The following TXLNB variants were observed in gnomAD, a reference collection of about 807,000 sequenced individuals.
TXLNB encodes the protein taxilin beta.
A neutral mutation model predicts 57.4 loss-of-function variants in TXLNB; 37 were observed. The ratio of observed to expected loss-of-function variants is 0.64; its 90% CI spans 0.50 to 0.85. TXLNB has a LOEUF of 0.85. Among genes scored for constraint, TXLNB ranks in the 40% least tolerant of loss-of-function variants. TXLNB has a pLI of 0.00. For synonymous variants in TXLNB, 302 were observed against 309.6 expected, an observed-to-expected ratio of 0.98 and a Z score of 0.26; for missense variants, 848 against 825.6, an observed-to-expected ratio of 1.03 and a Z score of -0.33.
chr6:139,225,877 A>G, the TXLNB span, among the ~76,000 whole-genome samples: 1 of 152,222 alleles, frequency 6.6e-6, no homozygotes, highest in South Asian at 2.1e-4. Flanking sequence ...GAATACTTTG[A>G]AGAACACCAA....
At chr6:139,206,882 T>C in the TXLNB span, among the ~76,000 whole-genome samples, 1 of 151,938 alleles carries the variant, frequency 6.6e-6, no homozygotes, top group Admixed American at 6.6e-5. Flanking sequence ...CCAACAACTG[T>C]AAAAACAGAC....
At chr6:139,301,700 G>A in the TXLNB span, among the ~76,000 whole-genome samples, 3 of 152,110 alleles carry the variant, frequency 2.0e-5, no homozygotes, top group African/African-American at 7.2e-5. Context: ...CCCCCACCAA[G>A]TCTATGCACA....
chr6:139,199,603 T>G, the TXLNB span, among the ~76,000 whole-genome samples: 1 of 151,758 alleles, frequency 6.6e-6, no homozygotes, highest in Admixed American at 6.6e-5. Flanking sequence ...GGCAGAGGAG[T>G]TGGGGAGATG....
chr6:139,194,832 G>T, the TXLNB span, among the ~76,000 whole-genome samples: 1 of 152,310 alleles, frequency 6.6e-6, no homozygotes, highest in Non-Finnish European at 1.5e-5. Context: ...TCTTAGGGAA[G>T]TGTTACTACT....
chr6:139,316,921 A>G, the TXLNB span, among the ~76,000 whole-genome samples: 1,374 of 152,128 alleles, frequency 9.0e-3, 20 homozygotes, highest in African/African-American at 0.031. Context: ...TTGGAGTTCA[A>G]TACTAGTCAT....
At chr6:139,319,914 T>C in the TXLNB span, among the ~76,000 whole-genome samples, 1 of 152,126 alleles carries the variant, frequency 6.6e-6, no homozygotes, top group Non-Finnish European at 1.5e-5. Context: ...ATACACAGCA[T>C]AGTGAAGTGG....
At chr6:139,322,926 G>A in the TXLNB span, among the ~76,000 whole-genome samples, 2 of 152,232 alleles carry the variant, frequency 1.3e-5, no homozygotes, top group African/African-American at 4.8e-5. Flanking sequence ...CCCATAAACA[G>A]ATGCTAATTG....
the TXLNB span, among the ~76,000 whole-genome samples, chr6:139,211,642 C>T: frequency 1.3e-5 from 2 of 152,106 alleles, no homozygotes; most frequent in Admixed American, 1.3e-4. Flanking sequence ...ATGACTTTGA[C>T]GAGTTGAGAG....
At chr6:139,322,031 C>T in the TXLNB span, among the ~76,000 whole-genome samples, 2 of 151,772 alleles carry the variant, frequency 1.3e-5, no homozygotes, top group Non-Finnish European at 2.9e-5. Context: ...AGTAGCTATT[C>T]ACAGGCACCA....
the TXLNB span, chr6:139,234,075 C>G: frequency 6.6e-6 from 1 of 152,152 alleles, no homozygotes; most frequent in Non-Finnish European, 1.5e-5. Flanking sequence ...AGCATTTTGC[C>G]CCTGCCCTAG....
chr6:139,301,617 G>T, the TXLNB span, among the ~76,000 whole-genome samples: 1 of 152,088 alleles, frequency 6.6e-6, no homozygotes, highest in Non-Finnish European at 1.5e-5. Context: ...AGATACAATG[G>T]GTTTGGAATC....
the TXLNB span, among the ~76,000 whole-genome samples, chr6:139,304,852 T>G: frequency 1.3e-5 from 2 of 152,184 alleles, no homozygotes; most frequent in Non-Finnish European, 2.9e-5. Flanking sequence ...TTTCTATAAA[T>G]GCAAATTTTT....
the TXLNB span, among the ~76,000 whole-genome samples, chr6:139,221,231 G>C: frequency 3.9e-5 from 6 of 152,152 alleles, no homozygotes; most frequent in Non-Finnish European, 7.3e-5. Context: ...ACAAAAATTG[G>C]ATTTTAGAGC....
At chr6:139,204,682 C>T in the TXLNB span, among the ~76,000 whole-genome samples, 2 of 152,112 alleles carry the variant, frequency 1.3e-5, no homozygotes, top group Non-Finnish European at 2.9e-5. Flanking sequence ...AAAAGCCCTG[C>T]TTGCTTTCTC....
the TXLNB span, chr6:139,159,288 C>T: frequency 1.3e-5 from 2 of 151,758 alleles, no homozygotes; most frequent in African/African-American, 4.9e-5. Flanking sequence ...AAATTCATAC[C>T]CTAAGAGGAC....
At chr6:139,174,401 G>C in the TXLNB span, 2 of 1,613,762 alleles carry the variant, frequency 1.2e-6, no homozygotes, top group South Asian at 2.2e-5. Context: ...TCATGCATCT[G>C]TATGCCGTGT....
At chr6:139,169,580 T>G in the TXLNB span, 5 of 152,180 alleles carry the variant, frequency 3.3e-5, no homozygotes, top group Non-Finnish European at 7.3e-5. Context: ...ATTCCAAAAC[T>G]TAGTGGTTTA....
chr6:139,166,981 T>C, the TXLNB span: 1 of 1,614,212 alleles, frequency 6.2e-7, no homozygotes, highest in African/African-American at 1.3e-5. Flanking sequence ...CCCACTTTGA[T>C]TACAGCCCTG....
chr6:139,209,937 TGA>T, the TXLNB span, among the ~76,000 whole-genome samples: 2,273 of 152,196 alleles, frequency 0.015, 39 homozygotes, highest in African/African-American at 0.048. Context: ...ACCCACAGAA[TGA>T]GAGAAAATAT....
Sources: allele counts gnomAD v4.1 joint callset (sites outside exome capture counted in the v4.1 genomes callset), GRCh38; gene constraint gnomAD v4.1.1; transcripts MANE v1.5; gene names NCBI Gene and HGNC (gene_info 2026-07-23, HGNC 2026-07-21).